The following IFNA8 variants were observed in gnomAD, a reference collection of about 807,000 sequenced individuals.
The protein encoded by IFNA8 is interferon alpha 8, also known as interferon alpha-8.
For missense variants in IFNA8, 246 were observed against 212.3 expected, an observed-to-expected ratio of 1.16 and a Z score of -0.99; for synonymous variants, 91 against 84.4, an observed-to-expected ratio of 1.08 and a Z score of -0.43.
At position 21,409,910 on chromosome 9, in the gene IFNA8, G is replaced by C. The variant is rs1451018758; in HGVS notation, c.*164G>C. 1 of 601,906 alleles carries C rather than the reference G, an allele frequency of 1.7e-6. No homozygotes were observed. The highest frequency in any genetic ancestry group is 3.0e-6 in the Non-Finnish European group (1 of 336,684). 37.3% of individuals were successfully genotyped at this position (601,906 alleles called of 1,614,324 possible). A position where few individuals can be genotyped will look rare whatever the true frequency, so the allele number is the denominator to read the frequency against. The stretch of plus-strand genomic sequence containing the variant: ...GTGTTAAGCAACATCCTGTTCAGCT[G>C]TATGGGCACTAGTCCCTTACAGATG... On this transcript the variant is annotated 3_prime_UTR_variant, in exon 1 of 1. Coordinates refer to ENST00000380205, the MANE Select transcript of IFNA8 (RefSeq NM_002170.4).
At position 21,409,772 on chromosome 9, in the gene IFNA8, C is replaced by T. The variant is rs567440947; in HGVS notation, c.*26C>T. 1 of 1,590,090 alleles carries T rather than the reference C, an allele frequency of 6.3e-7. No homozygotes were observed. Among genetic ancestry groups the T allele is most frequent in the African/African-American group, 1.3e-5 (1 of 74,330 alleles). ...GACCTGGTACAACACGGAAATGATT[C>T]TTATAGACTAATACAGCAGCTCACA... is the stretch of plus-strand genomic sequence containing the variant. On this transcript the variant is annotated 3_prime_UTR_variant, in exon 1 of 1. Coordinates refer to ENST00000380205, the MANE Select transcript of IFNA8 (RefSeq NM_002170.4).
Position 21,409,215 on chromosome 9 carries a change from G to C in IFNA8, c.39G>C (p.Val13=). Residue 13 remains valine (V), a synonymous_variant, in exon 1 of 1, where the codon GTG becomes GTC. Transcript: ENST00000380205. Reference sequence around the variant, plus strand: ...TTTATTTACTGGTGGCCCTAGTGGTGCTCAGCTACAAGTCATTCAGCTCTC... The same window carrying C: ...TTTATTTACTGGTGGCCCTAGTGGTCCTCAGCTACAAGTCATTCAGCTCTC... ...LTFYLLVALV[V]LSYKSFSSLG... 6.2e-7 allele frequency: 1 copy of C among 1,613,992 alleles called. No homozygotes were observed. The highest frequency in any genetic ancestry group is 8.5e-7 in the Non-Finnish European group (1 of 1,179,914).
In IFNA8 at chr9:21,409,812, G is replaced by A; in HGVS notation, c.*66G>A. 7.0e-7 allele frequency: 1 copy of A among 1,435,432 alleles called. No individual in the cohort carries two copies. Among genetic ancestry groups the A allele is most frequent in the Non-Finnish European group, 9.7e-7 (1 of 1,030,568 alleles). 88.9% of individuals were successfully genotyped at this position (1,435,432 alleles called of 1,614,324 possible). ...AGCAGCTCACACTTCGACAAGTTGT[G>A]CTCTTTCAAAGACCCTTGTTTCTGC... On this transcript the variant is annotated 3_prime_UTR_variant, in exon 1 of 1. Transcript: ENST00000380205.
Position 21,409,795 on chromosome 9 carries a change from A to C in IFNA8, c.*49A>C. On this transcript the variant is annotated 3_prime_UTR_variant, in exon 1 of 1. Coordinates refer to ENST00000380205, the MANE Select transcript of IFNA8 (RefSeq NM_002170.4). ...TTCTTATAGACTAATACAGCAGCTC[A>C]CACTTCGACAAGTTGTGCTCTTTCA... 9.5e-4 allele frequency: 1,419 copies of C among 1,490,966 alleles called. No individual in the cohort carries two copies. Among genetic ancestry groups the C allele is most frequent in the Non-Finnish European group, 1.2e-3 (1,303 of 1,076,198 alleles). 92.4% of individuals were successfully genotyped at this position (1,490,966 alleles called of 1,614,324 possible).
rs978360123 is a variant in IFNA8, at chr9:21,409,956, C to A, written c.*210C>A. The A allele has an allele frequency of 6.6e-6, 3 of 451,578 alleles. No individual in the cohort carries two copies. The South Asian group carries it at 8.1e-5, about 12-fold the overall frequency. 28.0% of individuals were successfully genotyped at this position (451,578 alleles called of 1,614,324 possible). A position where few individuals can be genotyped will look rare whatever the true frequency, so the allele number is the denominator to read the frequency against. On this transcript the variant is annotated 3_prime_UTR_variant, in exon 1 of 1. Coordinates refer to ENST00000380205, the MANE Select transcript of IFNA8 (RefSeq NM_002170.4). The stretch of plus-strand genomic sequence containing the variant: ...AGATGACCATGCTGATGGATCTATT[C>A]ATCTATTTATTTAAATCTTTATTTA...
At position 21,409,212 on chromosome 9, in the gene IFNA8, G is replaced by A. The variant is rs764189233; in HGVS notation, c.36G>A (p.Val12=). ...CTTTTTATTTACTGGTGGCCCTAGT[G>A]GTGCTCAGCTACAAGTCATTCAGCT... The part of the protein sequence containing the change: ...ALTFYLLVAL[V]VLSYKSFSSL... The change falls in exon 1 of 1, where the codon GTG becomes GTA. Residue 12 remains valine, a synonymous_variant. Transcript: ENST00000380205. 2 of 1,613,846 alleles carry A rather than the reference G, an allele frequency of 1.2e-6. No homozygotes were observed. Among genetic ancestry groups the A allele is most frequent in the African/African-American group, 2.7e-5 (2 of 74,886 alleles).
chr9:21,409,531 C>T lies in IFNA8; in HGVS notation c.355C>T (p.Leu119=), dbSNP rs779215515. The change falls in exon 1 of 1, where the codon CTG becomes TTG. Residue 119 remains leucine, a synonymous_variant. Transcript: ENST00000380205. ...CGAACTTGACCAGCAGCTGAATGAC[C>T]TGGAGTCCTGTGTGATGCAGGAAGT... ...YIELDQQLND[L]ESCVMQEVGV... 3 of 1,614,008 alleles carry T rather than the reference C, an allele frequency of 1.9e-6. No individual in the cohort carries two copies. Among genetic ancestry groups the T allele is most frequent in the African/African-American group, 1.3e-5 (1 of 75,006 alleles).
Position 21,409,941 on chromosome 9 carries a change from G to C in IFNA8, c.*195G>C, listed in dbSNP as rs1468828402. The C allele has an allele frequency of 3.9e-6, 2 of 513,080 alleles. No individual in the cohort carries two copies. Among genetic ancestry groups the C allele is most frequent in the Non-Finnish European group, 7.2e-6 (2 of 278,188 alleles). The allele number at this position is 513,080 out of a possible 1,614,324, so 31.8% of individuals were successfully genotyped here. ...GCACTAGTCCCTTACAGATGACCAT[G>C]CTGATGGATCTATTCATCTATTTAT... On this transcript the variant is annotated 3_prime_UTR_variant, in exon 1 of 1. Transcript: ENST00000380205.
chr9:21,409,399 C>A lies in IFNA8; in HGVS notation c.223C>A (p.Gln75Lys), dbSNP rs148720237. 1.8e-5 allele frequency: 29 copies of A among 1,613,932 alleles called. No individual in the cohort carries two copies. The African/African-American group carries it at 3.5e-4, about 19-fold the overall frequency. Residue 75 changes from glutamine to lysine, a missense_variant, in exon 1 of 1, where the codon CAA (glutamine) becomes AAA (lysine). Transcript: ENST00000380205. ...TGATGATAAACAGTTCCAGAAGGCTCAAGCCATCTCTGTCCTCCATGAGAT... is the reference window on the plus strand; with the variant it reads ...TGATGATAAACAGTTCCAGAAGGCTAAAGCCATCTCTGTCCTCCATGAGAT... ...EFDDKQFQKAQAISVLHEMIQ... is the reference protein window; with the variant it reads ...EFDDKQFQKAKAISVLHEMIQ...
chr9:21,409,244 G>A lies in IFNA8; in HGVS notation c.68G>A (p.Gly23Asp). Residue 23 changes from glycine to aspartate, a missense_variant, in exon 1 of 1, where the codon GGC becomes GAC. By Grantham distance (94) the Gly-to-Asp change is moderately conservative. Transcript: ENST00000380205. ...VLSYKSFSSL[G>D]CDLPQTHSLG... ...AGCTACAAGTCATTCAGCTCTCTGG[G>A]CTGTGATCTGCCTCAGACTCACAGC... 6.2e-7 allele frequency: 1 copy of A among 1,613,988 alleles called. No individual in the cohort carries two copies. Among genetic ancestry groups the A allele is most frequent in the Non-Finnish European group, 8.5e-7 (1 of 1,179,930 alleles).
In IFNA8 at chr9:21,410,054, T is replaced by C; in HGVS notation, c.*308T>C. On this transcript the variant is annotated 3_prime_UTR_variant, in exon 1 of 1. Coordinates refer to ENST00000380205, the MANE Select transcript of IFNA8 (RefSeq NM_002170.4). ...GTGAACTTTTACATTGTGAATTGTG[T>C]AACAAAAACATGTTCTTTATATTTA... is the stretch of plus-strand genomic sequence containing the variant. The C allele has an allele frequency of 5.0e-6, 1 of 198,714 alleles. No homozygotes were observed. The highest frequency in any genetic ancestry group is 2.4e-5 in the African/African-American group (1 of 41,972). 12.3% of individuals were successfully genotyped at this position (198,714 alleles called of 1,614,324 possible). A position where few individuals can be genotyped will look rare whatever the true frequency, so the allele number is the denominator to read the frequency against.
Position 21,409,705 on chromosome 9 carries a change from T to G in IFNA8, c.529T>G (p.Leu177Val). The part of the protein sequence containing the change: ...VRAEIMRSFS[L>V]SINLQKRLKS... The stretch of plus-strand genomic sequence containing the variant: ...AGCAGAAATCATGAGATCCTTCTCT[T>G]TATCAATCAACTTGCAAAAAAGATT... Residue 177 changes from leucine (L) to valine (V), a missense_variant, in exon 1 of 1, where the codon TTA (leucine) becomes GTA (valine). Physicochemically the swap from Leu to Val is conservative, Grantham distance 32 (BLOSUM62 1). Coordinates refer to ENST00000380205, the MANE Select transcript of IFNA8 (RefSeq NM_002170.4). 1 of 1,613,844 alleles carries G rather than the reference T, an allele frequency of 6.2e-7. No individual in the cohort carries two copies. Among genetic ancestry groups the G allele is most frequent in the Non-Finnish European group, 8.5e-7 (1 of 1,179,788 alleles).
At position 21,409,153 on chromosome 9, in the gene IFNA8, TCAG is replaced by T; in HGVS notation, c.-18_-16del. On this transcript the variant is annotated 5_prime_UTR_variant, in exon 1 of 1. Transcript: ENST00000380205. ...TTAAGGGTCATCCATCTGAACCAGC[TCAG>T]CAGCATCCACAACATCTACAATGGC... 1 of 1,607,540 alleles carries T rather than the reference TCAG, an allele frequency of 6.2e-7. No individual in the cohort carries two copies. Among genetic ancestry groups the T allele is most frequent in the Non-Finnish European group, 8.5e-7 (1 of 1,174,466 alleles).
the IFNA8 span, chr9:21,409,399 C>T: frequency 1.2e-6 from 2 of 1,614,050 alleles, no homozygotes; most frequent in Non-Finnish European, 1.7e-6. Context: ...CCAGAAGGCT[C>T]AAGCCATCTC....
At position 21,409,864 on chromosome 9, in the gene IFNA8, A is replaced by C. The variant is rs1043231305; in HGVS notation, c.*118A>C. The stretch of plus-strand genomic sequence containing the variant: ...AAAACCATGCTATGAATTGAATCAA[A>C]TGTGTCAAGTGTTTTCAGGAGTGTT... On this transcript the variant is annotated 3_prime_UTR_variant, in exon 1 of 1. Transcript: ENST00000380205. 5 of 939,682 alleles carry C rather than the reference A, an allele frequency of 5.3e-6. No individual in the cohort carries two copies. Among genetic ancestry groups the C allele is most frequent in the Non-Finnish European group, 6.6e-6 (4 of 609,958 alleles). The allele number at this position is 939,682 out of a possible 1,614,324, so 58.2% of individuals were successfully genotyped here.
rs1293382882 is a variant in IFNA8, at chr9:21,409,566, A to G, written c.390A>G (p.Ile130Met). ...ESCVMQEVGV[I>M]ESPLMYEDSI... The stretch of plus-strand genomic sequence containing the variant: ...GTGTGATGCAGGAAGTGGGGGTGAT[A>G]GAGTCTCCCCTGATGTACGAGGACT... Residue 130 changes from isoleucine (I) to methionine (M), a missense_variant, in exon 1 of 1, where the codon ATA becomes ATG. By Grantham distance (10) the Ile-to-Met change is conservative. Transcript: ENST00000380205. 6.2e-7 allele frequency: 1 copy of G among 1,613,846 alleles called. No homozygotes were observed. Among genetic ancestry groups the G allele is most frequent in the African/African-American group, 1.3e-5 (1 of 74,912 alleles).
In IFNA8 at chr9:21,409,309, C is replaced by G. The variant is rs377683966; in HGVS notation, c.133C>G (p.Arg45Gly). The G allele has an allele frequency of 3.8e-5, 61 of 1,613,898 alleles. No homozygotes were observed. Among genetic ancestry groups the G allele is most frequent in the South Asian group, 1.4e-4 (13 of 91,082 alleles). ...RRALILLAQM[R>G]RISPFSCLKD... ...GGCCTTGATACTCCTGGCACAAATGCGAAGAATCTCTCCTTTCTCCTGCCT... is the reference window on the plus strand; with the variant it reads ...GGCCTTGATACTCCTGGCACAAATGGGAAGAATCTCTCCTTTCTCCTGCCT... The change falls in exon 1 of 1, where the codon CGA (arginine) becomes GGA (glycine). Residue 45 changes from arginine to glycine, a missense_variant. Physicochemically the swap from Arg to Gly is moderately radical, Grantham distance 125 (BLOSUM62 -2). Coordinates refer to ENST00000380205, the MANE Select transcript of IFNA8 (RefSeq NM_002170.4).
Position 21,409,350 on chromosome 9 carries a change from C to T in IFNA8, c.174C>T (p.Asp58=). 6.2e-7 allele frequency: 1 copy of T among 1,614,106 alleles called. No individual in the cohort carries two copies. The highest frequency in any genetic ancestry group is 1.1e-5 in the South Asian group (1 of 91,074). Residue 58 remains aspartate, a synonymous_variant, in exon 1 of 1, where the codon GAC becomes GAT. Transcript: ENST00000380205. ...SPFSCLKDRH[D]FEFPQEEFDD... is the part of the protein sequence containing the mutation. ...TCTCCTGCCTGAAGGACAGACATGA[C>T]TTTGAATTCCCCCAGGAGGAGTTTG...
At chr9:21,409,233 C>CA in the IFNA8 span, 1 of 1,614,006 alleles carries the variant, frequency 6.2e-7, no homozygotes. Context: ...ACAAGTCATT[C>CA]AGCTCTCTGG....
Sources: gnomAD v4.1 joint callset for allele counts on GRCh38, gnomAD v4.1.1 for gene constraint, MANE v1.5 for transcripts, NCBI Gene and HGNC (gene_info 2026-07-23, HGNC 2026-07-21) for gene names.